The following COPB1 variants were observed in gnomAD, a reference collection of about 807,000 sequenced individuals.
COPB1 encodes the protein coatomer subunit beta.
A neutral mutation model predicts 108.7 loss-of-function variants in COPB1; 21 were observed. The ratio of observed to expected loss-of-function variants is 0.19; its 90% CI spans 0.14 to 0.28. The LOEUF (loss-of-function observed/expected upper bound fraction) is 0.28. COPB1 is among the 10% of genes least tolerant of loss of function. The pLI is 1.00. For synonymous variants in COPB1, 378 were observed against 386.8 expected (o/e 0.98, Z 0.27); for missense variants, 919 against 1,141.3 (o/e 0.81, Z 2.81).
chr11:14,462,070 T>C (rs550322941), intron 18 of COPB1, among the ~76,000 whole-genome samples: 1 of 152,204 alleles, frequency 6.6e-6, no homozygotes, highest in Non-Finnish European at 1.5e-5. Context: ...ACCATTTTTT[T>C]TTTTTTCTAA....
intron 2 of COPB1, 144 bp from the exon 3 acceptor site, chr11:14,494,583 AGGTTCTCCACCT>A (rs770380259): frequency 5.9e-5 from 34 of 581,014 alleles, no homozygotes; most frequent in Non-Finnish European, 9.4e-5. Flanking sequence ...CCAAGTGACA[AGGTTCTCCACCT>A]GGTTCTCCAC....
intron 7 of COPB1, 136 bp from the exon 8 acceptor site, chr11:14,483,287 A>C: frequency 2.0e-6 from 1 of 500,120 alleles, no homozygotes; most frequent in East Asian, 2.9e-5. Context: ...ACACTCATTA[A>C]TTAATCCCTG....
Position 14,472,845 on chromosome 11 carries a change from T to C in COPB1, c.1737+1650A>G, listed in dbSNP as rs146455715. Among the ~76,000 whole-genome samples, 879 of 152,346 alleles carry C rather than the reference T, an allele frequency of 5.8e-3. 8 individuals are homozygous for C. The highest frequency in any genetic ancestry group is 5.6e-3 in the Non-Finnish European group (381 of 68,032). On this transcript the variant is annotated intron_variant, in intron 14 of 21. Transcript: ENST00000439561. The stretch of plus-strand genomic sequence containing the variant: ...GCTTCCTAACCTCTCTCAGCCTTCA[T>C]GGAATTGAAGAGAGTTAAGGTCTTA...
intron 13 of COPB1, among the ~76,000 whole-genome samples, chr11:14,474,866 C>A (rs567127412): frequency 6.6e-6 from 1 of 151,976 alleles, no homozygotes; most frequent in Non-Finnish European, 1.5e-5. Context: ...GAGGCCAAGG[C>A]GGGCGGATTA....
At position 14,488,598 on chromosome 11, in the gene COPB1, G is replaced by C. The variant is rs756536000; in HGVS notation, c.607-14C>G. 2.8e-5 allele frequency: 44 copies of C among 1,557,718 alleles called. No individual in the cohort carries two copies. The highest frequency in any genetic ancestry group is 3.8e-5 in the Non-Finnish European group (43 of 1,137,724). On this transcript the variant is annotated splice_polypyrimidine_tract_variant and intron_variant, in intron 5 of 21. Coordinates refer to ENST00000439561, the MANE Select transcript of COPB1 (RefSeq NM_001144061.2). ...CAAAGCTCGATCCTAAAAAAAATAA[G>C]AATATATTTATCATTCTCCACCTCA...
At chr11:14,483,801 C>T (rs1453632068) in intron 7 of COPB1, among the ~76,000 whole-genome samples, 1 of 152,080 alleles carries the variant, frequency 6.6e-6, no homozygotes, top group Non-Finnish European at 1.5e-5. Context: ...AGAAAACCAC[C>T]ATTAGAATAC....
In COPB1 at chr11:14,457,570, T is replaced by C; in HGVS notation, c.*254A>G. The C allele has an allele frequency of 6.8e-6, 2 of 293,464 alleles. No individual in the cohort carries two copies. The highest frequency in any genetic ancestry group is 1.3e-5 in the Non-Finnish European group (2 of 150,480). 18.2% of individuals were successfully genotyped at this position (293,464 alleles called of 1,614,324 possible). Reference sequence around the variant, plus strand: ...AAAAATTTATGAATAGATCTGTTTATTGTACTGTGAAAAGGGTCTTGGTAC... The same window carrying C: ...AAAAATTTATGAATAGATCTGTTTACTGTACTGTGAAAAGGGTCTTGGTAC... On this transcript the variant is annotated 3_prime_UTR_variant, in exon 22 of 22. Coordinates refer to ENST00000439561, the MANE Select transcript of COPB1 (RefSeq NM_001144061.2).
chr11:14,486,789 T>C (rs979229825), intron 6 of COPB1, among the ~76,000 whole-genome samples: 1 of 152,218 alleles, frequency 6.6e-6, no homozygotes, highest in Admixed American at 6.5e-5. Context: ...TGTGCACTTA[T>C]TTATTCATCC....
At chr11:14,483,844 G>A (rs1160296522) in intron 7 of COPB1, among the ~76,000 whole-genome samples, 2 of 152,162 alleles carry the variant, frequency 1.3e-5, no homozygotes, top group Middle Eastern at 3.2e-3. Flanking sequence ...TCCACTGATG[G>A]ATGCTAAAAT....
intron 14 of COPB1, among the ~76,000 whole-genome samples, chr11:14,469,916 A>C (rs1385318026): frequency 6.6e-6 from 1 of 152,224 alleles, no homozygotes; most frequent in African/African-American, 2.4e-5. Flanking sequence ...ACATTTTGCC[A>C]CATTTGCTTA....
intron 19 of COPB1, among the ~76,000 whole-genome samples, 158 bp downstream of exon 19, chr11:14,461,028 T>C (rs1850135833): frequency 1.3e-5 from 2 of 152,196 alleles, no homozygotes; most frequent in African/African-American, 4.8e-5. Flanking sequence ...ACTTACATGA[T>C]TTTTAGTTAA....
In COPB1 at chr11:14,494,216, G is replaced by A. The variant is rs780878925; in HGVS notation, c.315C>T (p.Tyr105=). The change falls in exon 3 of 22, where the codon TAC becomes TAT. Residue 105 remains tyrosine, a synonymous_variant. Coordinates refer to ENST00000439561, the MANE Select transcript of COPB1 (RefSeq NM_001144061.2). ...TAATTATGATTTGGTTTACCTTTCT[G>A]TATGCATCACATACAAGGATCATCT... ...LHEMILVCDA[Y]RKDLQHPNEF... is the part of the protein sequence containing the mutation. 14 of 1,602,314 alleles carry A rather than the reference G, an allele frequency of 8.7e-6. No homozygotes were observed. Among genetic ancestry groups the A allele is most frequent in the Non-Finnish European group, 1.1e-5 (13 of 1,171,316 alleles).
chr11:14,496,565 A>G (rs2134130986), intron 2 of COPB1, among the ~76,000 whole-genome samples: 1 of 152,290 alleles, frequency 6.6e-6, no homozygotes, highest in East Asian at 1.9e-4. Flanking sequence ...ACATCAACAA[A>G]TGGAAAGATA....
chr11:14,477,256 C>T (rs533705019), intron 11 of COPB1, among the ~76,000 whole-genome samples: 6 of 151,714 alleles, frequency 4.0e-5, no homozygotes, highest in African/African-American at 7.2e-5. Flanking sequence ...TGGTGGCGGG[C>T]GCCTGTAGTC....
chr11:14,460,164 T>C (rs748752586), intron 20 of COPB1, 44 bp downstream of exon 20: 1 of 1,266,102 alleles, frequency 7.9e-7, no homozygotes, highest in Non-Finnish European at 1.2e-6. Context: ...AGGAACCTAC[T>C]CTACCATTCC....
intron 5 of COPB1, 47 bp from the exon 6 acceptor site, chr11:14,488,631 G>T: frequency 7.7e-7 from 1 of 1,291,140 alleles, no homozygotes; most frequent in Non-Finnish European, 1.1e-6. Context: ...TCATTCAATA[G>T]AAGGACTTAA....
rs1220710646 is a variant in COPB1 at position 14,475,871 on chromosome 11, T to G, written c.1530A>C (p.Pro510=). ...CCATTTCAGTAACCAATTTCTGAACTGGCCCTACAGTTATTTCTTCTTCAG... is the reference window on the plus strand; with the variant it reads ...CCATTTCAGTAACCAATTTCTGAACGGGCCCTACAGTTATTTCTTCTTCAG... ...LKPEEEITVG[P]VQKLVTEMGT... The change falls in exon 13 of 22, where the codon CCA becomes CCC. Residue 510 remains proline (P), a synonymous_variant. Coordinates refer to ENST00000439561, the MANE Select transcript of COPB1 (RefSeq NM_001144061.2). The G allele has an allele frequency of 6.2e-7, 1 of 1,613,958 alleles. No individual in the cohort carries two copies.
intron 14 of COPB1, among the ~76,000 whole-genome samples, chr11:14,471,688 T>A (rs1266898959): frequency 6.6e-6 from 1 of 151,976 alleles, no homozygotes; most frequent in East Asian, 1.9e-4. Flanking sequence ...GAGGCCGAGG[T>A]GGGCGGATCA....
At chr11:14,485,431 T>C (rs146216822) in intron 7 of COPB1, among the ~76,000 whole-genome samples, 2,191 of 152,288 alleles carry the variant, frequency 0.014, 50 homozygotes, top group African/African-American at 0.05. Flanking sequence ...CCTCCCAAAA[T>C]GCTGGGATTT....
Sources: gnomAD v4.1 joint callset for allele counts (sites outside exome capture counted in the v4.1 genomes callset) on GRCh38, gnomAD v4.1.1 for gene constraint, MANE v1.5 for transcripts, NCBI Gene and HGNC (gene_info 2026-07-23, HGNC 2026-07-21) for gene names.